Variants in SDK2 observed in about 807,000 individuals in gnomAD.
SDK2 encodes the protein protein sidekick-2.
Under a neutral mutation model 253.9 loss-of-function variants are expected in SDK2, and 105 were observed. The ratio of observed to expected loss-of-function variants is 0.41; its 90% CI spans 0.35 to 0.49. The LOEUF is 0.49. SDK2 is among the 20% of genes least tolerant of loss of function. The pLI is 0.06. For missense variants in SDK2, 2,608 were observed against 3,003.0 expected (o/e 0.87, Z 3.07); for synonymous variants, 1,249 against 1,234.9 (o/e 1.01, Z -0.24).
rs2062674879 is a variant in SDK2, at chr17:73,365,296, C to T, written c.5267G>A (p.Gly1756Asp). Residue 1756 changes from glycine to aspartate, a missense_variant, in exon 38 of 45, where the codon GGC (glycine) becomes GAC (aspartate). Transcript: ENST00000392650. ...APQFPNGILEGYRLVYEPCSP... is the reference protein window; with the variant it reads ...APQFPNGILEDYRLVYEPCSP... Reference sequence around the variant, plus strand: ...GCAGGGCTCGTACACCAGCCTGTAGCCCTCCAGGATGCCATTGGGGAACTG... The same window carrying T: ...GCAGGGCTCGTACACCAGCCTGTAGTCCTCCAGGATGCCATTGGGGAACTG... 2 of 1,613,038 alleles carry T rather than the reference C, an allele frequency of 1.2e-6. No individual in the cohort carries two copies. Among genetic ancestry groups the T allele is most frequent in the Non-Finnish European group, 8.5e-7 (1 of 1,179,484 alleles).
In SDK2 at chr17:73,361,088, T is replaced by G. The variant is rs953616974; in HGVS notation, c.5467+596A>C. Among the ~76,000 whole-genome samples, 3 of 151,876 alleles carry G rather than the reference T, an allele frequency of 2.0e-5. No individual in the cohort carries two copies. The highest frequency in any genetic ancestry group is 2.9e-5 in the Non-Finnish European group (2 of 67,970). On this transcript the variant is annotated intron_variant, in intron 39 of 44. Transcript: ENST00000392650. The surrounding 1 kb of genome is among the most constrained non-coding windows in gnomAD (Gnocchi z 4.1). ...GGTGGGGGAGGCAGGGCCCTGGCTG[T>G]GAATAGGTGACCTGCTCCATCAGGT...
rs971180302 is a variant in SDK2, at chr17:73,426,185, C to T, written c.1584-2093G>A. ...TCAGCCTCCCTGGTAGCTGGGATTACAGGCCTGCACCACCATGCTGGGCTT... is the reference window on the plus strand; with the variant it reads ...TCAGCCTCCCTGGTAGCTGGGATTATAGGCCTGCACCACCATGCTGGGCTT... On this transcript the variant is annotated intron_variant, in intron 12 of 44. Transcript: ENST00000392650. Among the ~76,000 whole-genome samples the T allele has an allele frequency of 5.1e-5, 7 of 138,478 alleles. 1 individual carries two copies. The allele number at this position is 138,478 out of a possible 152,430, so 90.8% of individuals were successfully genotyped here.
At chr17:73,412,636 C>T (rs2063148604) in intron 18 of SDK2, among the ~76,000 whole-genome samples, 1 of 152,082 alleles carries the variant, frequency 6.6e-6, no homozygotes, top group African/African-American at 2.4e-5. Context: ...GACATTTAGG[C>T]CAGGCGCGGT....
At chr17:73,549,732 A>G (rs1251831628) in intron 1 of SDK2, among the ~76,000 whole-genome samples, 2 of 152,066 alleles carry the variant, frequency 1.3e-5, no homozygotes, top group Non-Finnish European at 2.9e-5. Flanking sequence ...CATCAGCCAC[A>G]GTGTGTGGGA....
chr17:73,606,705 C>T (rs535332022), intron 1 of SDK2, among the ~76,000 whole-genome samples: 1 of 152,162 alleles, frequency 6.6e-6, no homozygotes, highest in South Asian at 2.1e-4. Context: ...CGACTCTATC[C>T]ATGGAGAAAA....
Position 73,388,042 on chromosome 17 carries a change from G to A in SDK2, c.4193-5C>T, listed in dbSNP as rs2062889131. The A allele has an allele frequency of 6.4e-7, 1 of 1,560,834 alleles. No homozygotes were observed. The highest frequency in any genetic ancestry group is 1.9e-5 in the Admixed American group (1 of 52,298). On this transcript the variant is annotated splice_polypyrimidine_tract_variant and splice_region_variant and intron_variant, in intron 29 of 44. Coordinates refer to ENST00000392650, the MANE Select transcript of SDK2 (RefSeq NM_001144952.2). Reference sequence around the variant, plus strand: ...TGCTGGGGGGCTGCGGACGGTCTGGGAGGTGGCAGAGGGGGAGGAGCAGGT... The same window carrying A: ...TGCTGGGGGGCTGCGGACGGTCTGGAAGGTGGCAGAGGGGGAGGAGCAGGT...
chr17:73,347,339 C>T (rs2062493300), intron 44 of SDK2, among the ~76,000 whole-genome samples: 1 of 152,162 alleles, frequency 6.6e-6, no homozygotes, highest in Non-Finnish European at 1.5e-5. Context: ...CAGAGCAAGA[C>T]CCTGGCTTAA....
At chr17:73,420,021 A>G (rs985518137) in intron 15 of SDK2, among the ~76,000 whole-genome samples, 5 of 152,222 alleles carry the variant, frequency 3.3e-5, no homozygotes, top group Non-Finnish European at 7.3e-5. Flanking sequence ...AATGTTGGTC[A>G]CATCCCACTG....
At chr17:73,520,210 A>T (rs1167401463) in intron 1 of SDK2, 1 of 152,302 alleles carries the variant, frequency 6.6e-6, no homozygotes, top group East Asian at 1.9e-4. Context: ...GGCTGCACCC[A>T]ATCTGGAGGG....
intron 27 of SDK2, among the ~76,000 whole-genome samples, chr17:73,392,026 C>T (rs980985676): frequency 2.0e-5 from 3 of 152,192 alleles, no homozygotes; most frequent in Non-Finnish European, 2.9e-5. Flanking sequence ...GGCCTAAGCA[C>T]GCTTCCAGAG....
intron 1 of SDK2, among the ~76,000 whole-genome samples, chr17:73,603,006 T>C (rs1360846353): frequency 1.3e-5 from 2 of 152,186 alleles, no homozygotes; most frequent in African/African-American, 4.8e-5. Context: ...ATTATAGGCA[T>C]GAGCCACTGT....
At chr17:73,600,429 C>A (rs1225852522) in intron 1 of SDK2, among the ~76,000 whole-genome samples, 5 of 152,102 alleles carry the variant, frequency 3.3e-5, no homozygotes, top group Non-Finnish European at 5.9e-5. Flanking sequence ...GCTTCTGCCT[C>A]CCCTGGGGGA....
intron 29 of SDK2, 115 bp from the exon 30 acceptor site, chr17:73,388,152 C>T: frequency 1.4e-6 from 1 of 722,038 alleles, no homozygotes; most frequent in Non-Finnish European, 2.3e-6. Context: ...GCATCCCCTT[C>T]CCATCCCAAT....
At position 73,379,001 on chromosome 17, in the gene SDK2, A is replaced by C. The variant is rs1246418627; in HGVS notation, c.4980+176T>G. On this transcript the variant is annotated intron_variant, in intron 36 of 44. Coordinates refer to ENST00000392650, the MANE Select transcript of SDK2 (RefSeq NM_001144952.2). The surrounding 1 kb of genome is among the most constrained non-coding windows in gnomAD (Gnocchi z 4.5). ...CTTCAGCTGTACAAATATTTCTGCG[A>C]ACTGGGTCCAAACAGCCAAGGTGGC... 6.6e-6 allele frequency among the ~76,000 whole-genome samples: 1 copy of C among 152,164 alleles called. No individual in the cohort carries two copies. Among genetic ancestry groups the C allele is most frequent in the Non-Finnish European group, 1.5e-5 (1 of 68,036 alleles).
intron 1 of SDK2, among the ~76,000 whole-genome samples, chr17:73,605,950 TAG>T (rs1041503682): frequency 2.6e-5 from 4 of 151,558 alleles, no homozygotes; most frequent in East Asian, 1.9e-4. Context: ...CAGCAAACTG[TAG>T]AGTTTGGTTT....
chr17:73,401,897 T>A (rs1057249050), intron 19 of SDK2, 49 bp downstream of exon 19: 9 of 1,448,644 alleles, frequency 6.2e-6, no homozygotes, highest in Non-Finnish European at 8.5e-6. Flanking sequence ...GCGCCCAGCC[T>A]GGCCTTGGGC....
chr17:73,404,468 G>A (rs886313317), intron 18 of SDK2, among the ~76,000 whole-genome samples: 6 of 152,264 alleles, frequency 3.9e-5, no homozygotes, highest in Non-Finnish European at 7.4e-5. Context: ...AACTCTTACC[G>A]TGTGCCTGGC....
chr17:73,536,737 T>TGCTGGGGGCAGGTGACAAGGGTCC (rs2044780293), intron 1 of SDK2, among the ~76,000 whole-genome samples: 2 of 152,138 alleles, frequency 1.3e-5, no homozygotes, highest in Non-Finnish European at 2.9e-5. Flanking sequence ...CCCCTGGCCA[T>TGCTGGGGGCAGGTGACAAGGGTCC]GCTGGGGGCA....
Position 73,338,995 on chromosome 17 carries a change from T to C in SDK2, c.6166-55A>G, listed in dbSNP as rs1407849626. The stretch of plus-strand genomic sequence containing the variant: ...GTGGCCCCGTAGGGACAGGCCATTG[T>C]GGTTGGGGCCGGAAGGCACAGGGCA... On this transcript the variant is annotated intron_variant, in intron 44 of 44. Transcript: ENST00000392650. This position sits in a 1 kb window ranked among gnomAD's most constrained non-coding sequence, Gnocchi z 5.0. The C allele has an allele frequency of 1.1e-5, 17 of 1,518,514 alleles. No individual in the cohort carries two copies. Among genetic ancestry groups the C allele is most frequent in the Non-Finnish European group, 1.6e-5 (17 of 1,095,406 alleles). 94.1% of individuals were successfully genotyped at this position (1,518,514 alleles called of 1,614,324 possible).
Sources: allele counts gnomAD v4.1 joint callset (sites outside exome capture counted in the v4.1 genomes callset), GRCh38; gene constraint gnomAD v4.1.1; non-coding constraint Gnocchi (gnomAD v3.1); transcripts MANE v1.5; gene names NCBI Gene and HGNC (gene_info 2026-07-23, HGNC 2026-07-21).